The following STYK1 variants were observed in gnomAD, a reference collection of about 807,000 sequenced individuals.
STYK1 encodes STY kinase 1, also known as tyrosine-protein kinase STYK1.
In STYK1, 46 loss-of-function variants were observed where a neutral mutation model predicts 48.1. The ratio of observed to expected loss-of-function variants is 0.96; its 90% CI spans 0.75 to 1.22. The LOEUF is 1.22. STYK1 is among the 50% of genes most tolerant of loss of function. The pLI, the probability that STYK1 is intolerant of heterozygous loss-of-function variation, is 0.00. For missense variants in STYK1, 527 were observed against 521.1 expected (o/e 1.01, Z -0.11); for synonymous variants, 188 against 189.0 (o/e 0.99, Z 0.04).
chr12:10,656,612 G>A (rs577505183), intron 1 of STYK1, among the ~76,000 whole-genome samples: 1 of 152,190 alleles, frequency 6.6e-6, no homozygotes, highest in African/African-American at 2.4e-5. Flanking sequence ...GCGATAGAGT[G>A]AGACTCCATC....
intron 4 of STYK1, 82 bp downstream of exon 4, chr12:10,633,908 G>C: frequency 6.5e-7 from 1 of 1,526,802 alleles, no homozygotes; most frequent in Non-Finnish European, 8.9e-7. Context: ...TCTAGACATG[G>C]GCTCATTGAA....
chr12:10,653,701 G>A (rs1398769809), intron 1 of STYK1, among the ~76,000 whole-genome samples: 1 of 151,320 alleles, frequency 6.6e-6, no homozygotes, highest in East Asian at 1.9e-4. Flanking sequence ...AAGTGTAGAT[G>A]TGCTCCGACT....
intron 1 of STYK1, among the ~76,000 whole-genome samples, chr12:10,656,254 G>A (rs540047056): frequency 5.9e-5 from 9 of 152,280 alleles, no homozygotes; most frequent in South Asian, 4.1e-4. Flanking sequence ...CCCCAGCCAC[G>A]TGGAATTGTA....
At chr12:10,643,008 G>A (rs555333833) in intron 1 of STYK1, among the ~76,000 whole-genome samples, 1 of 152,070 alleles carries the variant, frequency 6.6e-6, no homozygotes, top group Non-Finnish European at 1.5e-5. Context: ...TCTGACGGGG[G>A]CATTACGGAG....
chr12:10,628,538 C>T (rs8181616), intron 6 of STYK1, among the ~76,000 whole-genome samples: 144,321 of 152,286 alleles, frequency 0.95, 68,851 homozygotes, highest in East Asian at 1. Flanking sequence ...TACTTGCAAT[C>T]GTCCTATTGA....
At chr12:10,632,921 T>C (rs1947445445) in intron 4 of STYK1, among the ~76,000 whole-genome samples, 1 of 151,482 alleles carries the variant, frequency 6.6e-6, no homozygotes, top group African/African-American at 2.4e-5. Flanking sequence ...GGCAAGACTA[T>C]TTGCGGAGGA....
rs1314038818 is a variant in STYK1 at position 10,672,378 on chromosome 12, G to A, written c.-195+1588C>T. On this transcript the variant is annotated intron_variant, in intron 1 of 10. Coordinates refer to ENST00000075503, the MANE Select transcript of STYK1 (RefSeq NM_018423.3). This position sits in a 1 kb window ranked among gnomAD's most constrained non-coding sequence, Gnocchi z 4.0. ...CTCCTCCTCCTGTCAGATAAGCCAC[G>A]ACATTAGATTTTCTTTCTTTTTCTT... Among the ~76,000 whole-genome samples the A allele has an allele frequency of 6.6e-6, 1 of 152,118 alleles. No individual in the cohort carries two copies. Among genetic ancestry groups the A allele is most frequent in the South Asian group, 2.1e-4 (1 of 4,816 alleles).
chr12:10,632,562 A>G (rs1173830352), intron 4 of STYK1, among the ~76,000 whole-genome samples: 1 of 152,106 alleles, frequency 6.6e-6, no homozygotes, highest in Non-Finnish European at 1.5e-5. Flanking sequence ...GTGGGAGGCT[A>G]CTGCATGTGT....
At chr12:10,656,404 A>C (rs1392126103) in intron 1 of STYK1, among the ~76,000 whole-genome samples, 2 of 152,172 alleles carry the variant, frequency 1.3e-5, no homozygotes, top group Non-Finnish European at 2.9e-5. Flanking sequence ...AGGCAGGTGG[A>C]TCACGAGGTC....
At chr12:10,667,006 G>T (rs547948341) in intron 1 of STYK1, among the ~76,000 whole-genome samples, 13 of 152,062 alleles carry the variant, frequency 8.5e-5, no homozygotes, top group South Asian at 2.1e-4. Context: ...TAAACCTTTG[G>T]CATTTACTAC....
intron 1 of STYK1, among the ~76,000 whole-genome samples, chr12:10,658,966 C>G (rs991144702): frequency 1.3e-5 from 2 of 152,162 alleles, no homozygotes; most frequent in African/African-American, 4.8e-5. Flanking sequence ...TTTTGATCCT[C>G]TTTTAAAGGT....
At chr12:10,645,527 C>T (rs1232166596) in intron 1 of STYK1, among the ~76,000 whole-genome samples, 1 of 151,970 alleles carries the variant, frequency 6.6e-6, no homozygotes, top group African/African-American at 2.4e-5. Context: ...TTTTACAAAG[C>T]CTAAACACAC....
chr12:10,625,877 T>G (rs1463232765), intron 7 of STYK1, among the ~76,000 whole-genome samples: 1 of 152,194 alleles, frequency 6.6e-6, no homozygotes, highest in Non-Finnish European at 1.5e-5. Flanking sequence ...ATTTTTAAGA[T>G]GTATCAAATT....
At chr12:10,651,574 T>G (rs976947233) in intron 1 of STYK1, among the ~76,000 whole-genome samples, 1 of 152,232 alleles carries the variant, frequency 6.6e-6, no homozygotes, top group Admixed American at 6.5e-5. Flanking sequence ...TAATTATTCC[T>G]ATGATAGCTA....
chr12:10,667,736 A>C (rs796714341), intron 1 of STYK1, among the ~76,000 whole-genome samples: 15 of 152,218 alleles, frequency 9.9e-5, no homozygotes, highest in African/African-American at 3.4e-4. Context: ...GATGGCTTTC[A>C]GGGAAGCACA....
Position 10,635,813 on chromosome 12 carries a change from T to G in STYK1, c.-68-1127A>C, listed in dbSNP as rs529315245. Among the ~76,000 whole-genome samples, 4 of 152,330 alleles carry G rather than the reference T, an allele frequency of 2.6e-5. No homozygotes were observed. In the East Asian group the frequency reaches 7.7e-4, roughly 29 times the overall value. On this transcript the variant is annotated intron_variant, in intron 2 of 10. Transcript: ENST00000075503. ...ATTTCAAATAACAGCCCTAGAAACT[T>G]GGTTCTTTCTTTCCAAAGAGAACTC... is the stretch of plus-strand genomic sequence containing the variant.
chr12:10,644,395 G>A (rs1947577741), intron 1 of STYK1, among the ~76,000 whole-genome samples: 1 of 152,218 alleles, frequency 6.6e-6, no homozygotes, highest in South Asian at 2.1e-4. Flanking sequence ...GCCATTGTCA[G>A]TTTCATAATT....
intron 5 of STYK1, 127 bp from the exon 6 acceptor site, chr12:10,629,801 A>G: frequency 1.1e-6 from 1 of 920,220 alleles, no homozygotes; most frequent in Non-Finnish European, 1.7e-6. Context: ...GAAGGCAAAA[A>G]TAAACACAAA....
intron 1 of STYK1, among the ~76,000 whole-genome samples, chr12:10,670,859 T>A (rs145459397): frequency 0.013 from 1,937 of 149,548 alleles, 12 homozygotes; most frequent in African/African-American, 0.03. Context: ...TTAATTTTTT[T>A]AATTAAACAT....
Sources: allele counts gnomAD v4.1 joint callset (sites outside exome capture counted in the v4.1 genomes callset), GRCh38; gene constraint gnomAD v4.1.1; non-coding constraint Gnocchi (gnomAD v3.1); transcripts MANE v1.5; gene names NCBI Gene and HGNC (gene_info 2026-07-23, HGNC 2026-07-21).